UBTF: variants seen among roughly 807,000 people sequenced by gnomAD.
UBTF encodes the protein nucleolar transcription factor 1.
A neutral mutation model predicts 112.3 loss-of-function variants in UBTF; 8 were observed. The ratio of observed to expected loss-of-function variants is 0.07; its 90% CI spans 0.04 to 0.13. The LOEUF (loss-of-function observed/expected upper bound fraction) is 0.13, where lower values mean the gene tolerates loss of function less well. Ranked by LOEUF, UBTF falls within the 10% of genes least tolerant of loss-of-function variation. UBTF has a pLI of 1.00. For synonymous variants in UBTF, 417 were observed against 373.1 expected, an observed-to-expected ratio of 1.12 and a Z score of -1.36; for missense variants, 457 against 982.1, an observed-to-expected ratio of 0.47 and a Z score of 7.15.
At chr17:44,215,381 G>A (rs143723766) in intron 5 of UBTF, 11 of 466,478 alleles carry the variant, frequency 2.4e-5, no homozygotes, top group African/African-American at 1.7e-4. Flanking sequence ...GGGGGAGAGA[G>A]AGCTTGAAAC....
chr17:44,218,316 TC>T lies in UBTF; in HGVS notation c.-67-21del. The T allele has an allele frequency of 6.9e-7, 1 of 1,459,800 alleles. No individual in the cohort carries two copies. The allele number at this position is 1,459,800 out of a possible 1,614,324, so 90.4% of individuals were successfully genotyped here. ...CTCACCCTTTGGAAGACATACCAGT[TC>T]CCACTCAGGAAGGCTGAGAGGTGAA... On this transcript the variant is annotated intron_variant, in intron 1 of 20. Coordinates refer to ENST00000436088, the MANE Select transcript of UBTF (RefSeq NM_014233.4).
Position 44,210,444 on chromosome 17 carries a change from G to C in UBTF, c.1389C>G (p.Leu463=), listed in dbSNP as rs143551416. The C allele has an allele frequency of 1.5e-5, 25 of 1,612,956 alleles. No individual in the cohort carries two copies. The African/African-American group carries it at 3.1e-4, about 20-fold the overall frequency. The change falls in exon 14 of 21, where the codon CTC becomes CTG. Residue 463 remains leucine (L), a synonymous_variant. Coordinates refer to ENST00000436088, the MANE Select transcript of UBTF (RefSeq NM_014233.4). The part of the protein sequence containing the change: ...KAKYKAREAA[L]KAQSERKPGG... ...CGGGCTTCCTCTCCGACTGAGCCTTGAGCGCCGCCTCTCGGGCCTTGTACT... is the reference window on the plus strand; with the variant it reads ...CGGGCTTCCTCTCCGACTGAGCCTTCAGCGCCGCCTCTCGGGCCTTGTACT...
chr17:44,209,156 A>C, intron 17 of UBTF, 196 bp downstream of exon 17: 1 of 536,164 alleles, frequency 1.9e-6, no homozygotes, highest in Non-Finnish European at 3.1e-6. Flanking sequence ...GCAGGAGAGC[A>C]AGACTGTCTC....
intron 5 of UBTF, chr17:44,215,380 A>C (rs2046798604): frequency 4.3e-6 from 2 of 460,988 alleles, no homozygotes; most frequent in South Asian, 2.7e-5. Flanking sequence ...TGGGGGAGAG[A>C]GAGCTTGAAA....
Position 44,207,759 on chromosome 17 carries a change from G to C in UBTF, c.1965C>G (p.Ser655Arg), listed in dbSNP as rs768664448. ...GGTTTGGGCCTCGCAGCTTGGTCAT[G>C]CTCTTACGTTTCTGCAGGATGGGGA... Reference protein sequence around the residue: ...YKEYISNKRKSMTKLRGPNPK... With the variant: ...YKEYISNKRKRMTKLRGPNPK... Residue 655 changes from serine (S) to arginine (R), a missense_variant, in exon 19 of 21, where the codon AGC becomes AGG. Transcript: ENST00000436088. The C allele has an allele frequency of 2.5e-6, 4 of 1,614,070 alleles. No individual in the cohort carries two copies. In the African/African-American group the frequency reaches 5.3e-5, roughly 22 times the overall value.
At chr17:44,215,025 T>C (rs2046774474) in intron 5 of UBTF, among the ~76,000 whole-genome samples, 1 of 152,174 alleles carries the variant, frequency 6.6e-6, no homozygotes, top group Non-Finnish European at 1.5e-5. Context: ...GCTTTGATGG[T>C]CTGGGACAGT....
Position 44,207,061 on chromosome 17 carries a change from G to T in UBTF, c.*181C>A, listed in dbSNP as rs1198412360. ...GGGCTGATGTCTCTGAGGCTGCAGA[G>T]TCCTGGCCTGGGCTCCTCCAGCCCC... On this transcript the variant is annotated 3_prime_UTR_variant, in exon 21 of 21. Coordinates refer to ENST00000436088, the MANE Select transcript of UBTF (RefSeq NM_014233.4). The T allele has an allele frequency of 4.5e-6, 3 of 669,048 alleles. No homozygotes were observed. Among genetic ancestry groups the T allele is most frequent in the East Asian group, 5.4e-5 (2 of 36,848 alleles). The allele number at this position is 669,048 out of a possible 1,614,324, so 41.4% of individuals were successfully genotyped here. A position where few individuals can be genotyped will look rare whatever the true frequency, so the allele number is the denominator to read the frequency against.
Position 44,215,821 on chromosome 17 carries a change from G to C in UBTF, c.319-12C>G. The C allele has an allele frequency of 6.2e-7, 1 of 1,614,076 alleles. No homozygotes were observed. The highest frequency in any genetic ancestry group is 8.5e-7 in the Non-Finnish European group (1 of 1,180,010). ...AAGTCTGGGTGTTTCTGGAAGAAGG[G>C]ACAAGGACACAATGGAGGTCAAATA... On this transcript the variant is annotated splice_polypyrimidine_tract_variant and intron_variant, in intron 4 of 20. Coordinates refer to ENST00000436088, the MANE Select transcript of UBTF (RefSeq NM_014233.4).
intron 6 of UBTF, 30 bp downstream of exon 6, chr17:44,213,188 G>C: frequency 6.2e-7 from 1 of 1,608,610 alleles, no homozygotes; most frequent in African/African-American, 1.3e-5. Context: ...CCAGTGCCCC[G>C]TGGCCCTCCT....
chr17:44,210,974 C>A, intron 12 of UBTF, 27 bp from the exon 13 acceptor site: 1 of 1,600,778 alleles, frequency 6.2e-7, no homozygotes, highest in Non-Finnish European at 8.5e-7. Context: ...GGTCGGGGTC[C>A]GTGGGTGCTG....
chr17:44,212,603 C>G, intron 7 of UBTF, 149 bp from the exon 8 acceptor site: 2 of 1,050,316 alleles, frequency 1.9e-6, no homozygotes, highest in Non-Finnish European at 2.7e-6. Flanking sequence ...GGCGGAGAGG[C>G]GGGGATCCCG....
chr17:44,211,221 G>A lies in UBTF; in HGVS notation c.1089+69C>T. On this transcript the variant is annotated intron_variant, in intron 11 of 20. Coordinates refer to ENST00000436088, the MANE Select transcript of UBTF (RefSeq NM_014233.4). The surrounding 1 kb of genome is among the most constrained non-coding windows in gnomAD (Gnocchi z 4.9). ...GACTGCATGGTGCCCTATCTCCAGG[G>A]GCTCACCAGGGCTCTGCCTGCCAAG... 6.2e-7 allele frequency: 1 copy of A among 1,613,662 alleles called. No homozygotes were observed. The highest frequency in any genetic ancestry group is 8.5e-7 in the Non-Finnish European group (1 of 1,179,816).
rs2056216088 is a variant in UBTF at position 44,205,890 on chromosome 17, T to TA, written c.*1351dup. 1 of 151,968 alleles carries TA rather than the reference T, an allele frequency of 6.6e-6. No individual in the cohort carries two copies. Among genetic ancestry groups the TA allele is most frequent in the South Asian group, 2.1e-4 (1 of 4,826 alleles). The allele number at this position is 151,968 out of a possible 1,614,324, so 9.4% of individuals were successfully genotyped here. A position where few individuals can be genotyped will look rare whatever the true frequency, so the allele number is the denominator to read the frequency against. On this transcript the variant is annotated 3_prime_UTR_variant, in exon 21 of 21. Transcript: ENST00000436088. ...AATACGGGAGATGGCTGGGAAGAGT[T>TA]AGAGACAGCTGCAGATGCAGCTTTT...
chr17:44,208,824 T>A (rs982790930), intron 17 of UBTF: 19 of 279,564 alleles, frequency 6.8e-5, no homozygotes, highest in Non-Finnish European at 1.1e-4. Flanking sequence ...ATTTGGATTC[T>A]TCTACTTACT....
Position 44,211,144 on chromosome 17 carries a change from A to G in UBTF, c.1098T>C (p.Pro366=). ...VELLRFLESL[P]EEEQQRVLGE... ...CCAAGACCCGCTGCTGCTCCTCCTC[A>G]GGCAGGCTCTGGACAGGAAAGAGGA... The change falls in exon 12 of 21, where the codon CCT becomes CCC. Residue 366 remains proline, a synonymous_variant. Transcript: ENST00000436088. This position sits in a 1 kb window ranked among gnomAD's most constrained non-coding sequence, Gnocchi z 4.9. The G allele has an allele frequency of 6.2e-7, 1 of 1,613,120 alleles. No individual in the cohort carries two copies. Among genetic ancestry groups the G allele is most frequent in the South Asian group, 1.1e-5 (1 of 91,066 alleles).
rs2056212111 is a variant in UBTF at position 44,205,817 on chromosome 17, GA to G, written c.*1424del. On this transcript the variant is annotated 3_prime_UTR_variant, in exon 21 of 21. Transcript: ENST00000436088. Reference sequence around the variant, plus strand: ...TCAACAAAAAAATAAGAACTACAGAGATAAGGTGGCTTGGCTTATTAAGAGT... The same window carrying G: ...TCAACAAAAAAATAAGAACTACAGAGTAAGGTGGCTTGGCTTATTAAGAGT... 1.3e-5 allele frequency: 2 copies of G among 152,374 alleles called. No homozygotes were observed. Among genetic ancestry groups the G allele is most frequent in the South Asian group, 2.1e-4 (1 of 4,826 alleles). The allele number at this position is 152,374 out of a possible 1,614,324, so 9.4% of individuals were successfully genotyped here. A position where few individuals can be genotyped will look rare whatever the true frequency, so the allele number is the denominator to read the frequency against.
At chr17:44,208,302 C>T (rs2056409290) in intron 17 of UBTF, among the ~76,000 whole-genome samples, 1 of 152,008 alleles carries the variant, frequency 6.6e-6, no homozygotes, top group South Asian at 2.1e-4. Context: ...AGCAATCTCA[C>T]TATGTTGCCC....
At chr17:44,210,732 G>C in intron 13 of UBTF, 60 bp downstream of exon 13, 1 of 1,542,954 alleles carries the variant, frequency 6.5e-7, no homozygotes, top group Admixed American at 2.0e-5. Context: ...GGCCCGCCAA[G>C]GGGAAGAGGG....
In UBTF at chr17:44,209,552, G is replaced by A. The variant is rs761194473; in HGVS notation, c.1716-11C>T. On this transcript the variant is annotated splice_polypyrimidine_tract_variant and intron_variant, in intron 16 of 20. Coordinates refer to ENST00000436088, the MANE Select transcript of UBTF (RefSeq NM_014233.4). ...TTCTGGTAACCGTTCCTGGGAGGTG[G>A]GTTGGTAGAAGGAGGGTCAGGACCC... The A allele has an allele frequency of 6.2e-7, 1 of 1,611,778 alleles. No homozygotes were observed. The highest frequency in any genetic ancestry group is 1.1e-5 in the South Asian group (1 of 91,000).
Sources: allele counts gnomAD v4.1 joint callset (sites outside exome capture counted in the v4.1 genomes callset), GRCh38; gene constraint gnomAD v4.1.1; non-coding constraint Gnocchi (gnomAD v3.1); transcripts MANE v1.5; gene names NCBI Gene and HGNC (gene_info 2026-07-23, HGNC 2026-07-21).